EPHB1: variants seen among roughly 807,000 people sequenced by gnomAD.
EPHB1 encodes EPH receptor B1.
A neutral mutation model predicts 94.4 loss-of-function variants in EPHB1; 30 were observed. That is an observed-to-expected ratio of 0.32 (90% confidence interval 0.24 to 0.43). The LOEUF is 0.43. EPHB1 is among the 20% of genes least tolerant of loss of function. The pLI is 1.00. For missense variants in EPHB1, 1,055 were observed against 1,308.3 expected, an observed-to-expected ratio of 0.81 and a Z score of 2.99; for synonymous variants, 522 against 489.1, an observed-to-expected ratio of 1.07 and a Z score of -0.89.
chr3:134,834,712 G>T (rs562782562), intron 1 of EPHB1, among the ~76,000 whole-genome samples: 38 of 152,280 alleles, frequency 2.5e-4, no homozygotes, highest in African/African-American at 6.7e-4. Flanking sequence ...GGACATCCAG[G>T]TGAAGGTCTC....
intron 3 of EPHB1, among the ~76,000 whole-genome samples, chr3:135,034,435 G>A (rs985280670): frequency 6.6e-6 from 1 of 152,220 alleles, no homozygotes; most frequent in African/African-American, 2.4e-5. Context: ...AGCACCAGAG[G>A]CTTGATCTGG....
At chr3:135,198,524 G>T (rs1287914442) in intron 11 of EPHB1, among the ~76,000 whole-genome samples, 1 of 152,170 alleles carries the variant, frequency 6.6e-6, no homozygotes, top group Non-Finnish European at 1.5e-5. Flanking sequence ...GTGCCTATCT[G>T]TTACCTGCTG....
At chr3:134,828,593 A>T (rs562656715) in intron 1 of EPHB1, among the ~76,000 whole-genome samples, 10 of 152,348 alleles carry the variant, frequency 6.6e-5, no homozygotes, top group African/African-American at 2.4e-4. Flanking sequence ...GGGCACAGCT[A>T]GAAGTGAAGA....
intron 3 of EPHB1, among the ~76,000 whole-genome samples, chr3:135,089,017 C>T (rs1200553796): frequency 1.3e-5 from 2 of 152,162 alleles, no homozygotes; most frequent in African/African-American, 4.8e-5. Flanking sequence ...CACGAGGAAA[C>T]TGAGGCTTAA....
chr3:135,233,193 G>T (rs370830096), intron 12 of EPHB1, among the ~76,000 whole-genome samples: 1 of 152,116 alleles, frequency 6.6e-6, no homozygotes, highest in African/African-American at 2.4e-5. Flanking sequence ...GACAAGGCAG[G>T]TCTCTTCCAC....
At position 135,241,364 on chromosome 3, in the gene EPHB1, C is replaced by G; in HGVS notation, c.2496+67C>G. The G allele has an allele frequency of 3.1e-6, 5 of 1,588,170 alleles. No homozygotes were observed. The South Asian group carries it at 5.6e-5, about 18-fold the overall frequency. ...AGGGATCCCAAAGGCAGTAGCATAC[C>G]AATTCCTCCTGTTTTCAGCTCACGG... On this transcript the variant is annotated intron_variant, in intron 13 of 15. Coordinates refer to ENST00000398015, the MANE Select transcript of EPHB1 (RefSeq NM_004441.5).
In EPHB1 at chr3:135,106,616, T is replaced by C. The variant is rs531896003; in HGVS notation, c.961+13T>C. 5.6e-6 allele frequency: 9 copies of C among 1,613,858 alleles called. No individual in the cohort carries two copies. In the Admixed American group the frequency reaches 8.3e-5, roughly 15 times the overall value. Reference sequence around the variant, plus strand: ...GTGGCATGCACTAGTAAGTGTCTAGTAATGGCTCTGGGCTGGGGAGTTTGG... The same window carrying C: ...GTGGCATGCACTAGTAAGTGTCTAGCAATGGCTCTGGGCTGGGGAGTTTGG... On this transcript the variant is annotated intron_variant, in intron 4 of 15. Transcript: ENST00000398015.
chr3:135,127,804 G>C (rs1052048450), intron 4 of EPHB1, among the ~76,000 whole-genome samples: 6 of 152,144 alleles, frequency 3.9e-5, no homozygotes, highest in Non-Finnish European at 5.9e-5. Flanking sequence ...ACTTGGGCTG[G>C]CCCTGTGGGT....
intron 12 of EPHB1, among the ~76,000 whole-genome samples, chr3:135,218,094 T>C (rs1417716276): frequency 6.6e-6 from 1 of 152,100 alleles, no homozygotes; most frequent in African/African-American, 2.4e-5. Context: ...ATCATTGAGC[T>C]TGGGTAGCAG....
intron 1 of EPHB1, among the ~76,000 whole-genome samples, chr3:134,838,507 A>G (rs75031806): frequency 0.011 from 1,747 of 152,222 alleles, 33 homozygotes; most frequent in African/African-American, 0.04. Flanking sequence ...TTATACTAAA[A>G]TTTTATCATC....
chr3:134,854,070 GTGT>G (rs1383343502), intron 1 of EPHB1, among the ~76,000 whole-genome samples: 3 of 152,160 alleles, frequency 2.0e-5, no homozygotes, highest in Non-Finnish European at 2.9e-5. Flanking sequence ...CCAAAATATG[GTGT>G]TGTCCTTGCT....
At chr3:135,225,072 C>T (rs967760284) in intron 12 of EPHB1, among the ~76,000 whole-genome samples, 4 of 152,110 alleles carry the variant, frequency 2.6e-5, no homozygotes, top group African/African-American at 9.7e-5. Flanking sequence ...CAGACAAGCT[C>T]CTCTCTGCTC....
rs1463657910 is a variant in EPHB1 at position 135,192,760 on chromosome 3, G to A, written c.2067G>A (p.Lys689=). ...NIIRLEGVVT[K]SRPVMIITEF... ...TTCGCCTGGAGGGTGTGGTCACCAA[G>A]AGTCGGCCTGTCATGATCATCACAG... Residue 689 remains lysine (K), a synonymous_variant, in exon 11 of 16, where the codon AAG becomes AAA. Coordinates refer to ENST00000398015, the MANE Select transcript of EPHB1 (RefSeq NM_004441.5). 1 of 1,614,068 alleles carries A rather than the reference G, an allele frequency of 6.2e-7. No individual in the cohort carries two copies. The highest frequency in any genetic ancestry group is 1.7e-5 in the Admixed American group (1 of 60,006).
At chr3:134,830,710 G>A (rs1244608972) in intron 1 of EPHB1, among the ~76,000 whole-genome samples, 1 of 152,130 alleles carries the variant, frequency 6.6e-6, no homozygotes, top group Non-Finnish European at 1.5e-5. Flanking sequence ...CAGGCTGATG[G>A]GCATGACCGT....
chr3:134,965,955 T>G (rs1445792861), intron 3 of EPHB1, among the ~76,000 whole-genome samples: 1 of 152,196 alleles, frequency 6.6e-6, no homozygotes, highest in Non-Finnish European at 1.5e-5. Context: ...GCCAGGCCTC[T>G]TCAGATCTTT....
intron 1 of EPHB1, among the ~76,000 whole-genome samples, chr3:134,876,885 C>T (rs180766303): frequency 1.3e-5 from 2 of 152,306 alleles, no homozygotes; most frequent in Admixed American, 6.5e-5. Context: ...CTCCCACCTT[C>T]CCCAAGAGGT....
At chr3:135,246,083 T>A (rs1022714682) in intron 13 of EPHB1, among the ~76,000 whole-genome samples, 4 of 152,104 alleles carry the variant, frequency 2.6e-5, no homozygotes, top group African/African-American at 9.7e-5. Flanking sequence ...AAAATTAGTA[T>A]CTGGGGCTCT....
Position 134,952,006 on chromosome 3 carries a change from C to T in EPHB1, c.759C>T (p.Cys253=), listed in dbSNP as rs2107716140. 1 of 1,613,332 alleles carries T rather than the reference C, an allele frequency of 6.2e-7. No individual in the cohort carries two copies. Among genetic ancestry groups the T allele is most frequent in the Non-Finnish European group, 8.5e-7 (1 of 1,179,492 alleles). Residue 253 remains cysteine (C), a synonymous_variant, in exon 3 of 16, where the codon TGC becomes TGT. Transcript: ENST00000398015. The part of the protein sequence containing the change: ...DGEWMVPIGR[C]TCKPGYEPEN... Reference sequence around the variant, plus strand: ...AATGGATGGTGCCTATTGGGCGATGCACCTGCAAGCCTGGCTATGAGCCTG... The same window carrying T: ...AATGGATGGTGCCTATTGGGCGATGTACCTGCAAGCCTGGCTATGAGCCTG...
intron 1 of EPHB1, among the ~76,000 whole-genome samples, chr3:134,866,182 C>T (rs1306148822): frequency 6.6e-6 from 1 of 152,214 alleles, no homozygotes; most frequent in African/African-American, 2.4e-5. Flanking sequence ...GAAAGCTGGA[C>T]CAGCAGCTGA....
Sources: allele counts gnomAD v4.1 joint callset (sites outside exome capture counted in the v4.1 genomes callset), GRCh38; gene constraint gnomAD v4.1.1; transcripts MANE v1.5; gene names NCBI Gene and HGNC (gene_info 2026-07-23, HGNC 2026-07-21).